Variants in PDSS2 observed in about 807,000 individuals in gnomAD.
PDSS2 encodes the protein all trans-polyprenyl-diphosphate synthase PDSS2.
A neutral mutation model predicts 44.5 loss-of-function variants in PDSS2; 31 were observed. That is an observed-to-expected ratio of 0.70 (90% CI 0.52 to 0.94). PDSS2 has a LOEUF of 0.94. Ranked by LOEUF, PDSS2 falls within the 40% of genes least tolerant of loss-of-function variation. The pLI, the probability that PDSS2 is intolerant of heterozygous loss-of-function variation, is 0.00. For missense variants in PDSS2, 452 were observed against 482.2 expected (o/e 0.94, Z 0.59); for synonymous variants, 157 against 180.3 (o/e 0.87, Z 1.03).
chr6:107,173,664 T>C (rs1771689043), intron 7 of PDSS2, among the ~76,000 whole-genome samples: 1 of 151,634 alleles, frequency 6.6e-6, no homozygotes, highest in African/African-American at 2.4e-5. Flanking sequence ...TTCTTCTTCT[T>C]ATCACGTTTC....
At chr6:107,240,456 T>C (rs1171967677) in intron 4 of PDSS2, among the ~76,000 whole-genome samples, 1 of 149,378 alleles carries the variant, frequency 6.7e-6, no homozygotes, top group Admixed American at 6.8e-5. Flanking sequence ...TGGAGTGCAG[T>C]GGCTCAATCT....
chr6:107,274,185 A>G lies in PDSS2; in HGVS notation c.474T>C (p.Ala158=). 6.2e-7 allele frequency: 1 copy of G among 1,614,078 alleles called. No individual in the cohort carries two copies. Among genetic ancestry groups the G allele is most frequent in the Non-Finnish European group, 8.5e-7 (1 of 1,179,906 alleles). ...LAEITELIHI[A]LLVHRGIVNL... is the part of the protein sequence containing the mutation. The stretch of plus-strand genomic sequence containing the variant: ...TTACTATCCCACGATGTACAAGGAG[A>G]GCAATATGAATTAGCTCCGTGATCT... Residue 158 remains alanine, a synonymous_variant, in exon 3 of 8, where the codon GCT becomes GCC. Transcript: ENST00000369037.
At position 107,414,672 on chromosome 6, in the gene PDSS2, C is replaced by T. The variant is rs531859254; in HGVS notation, c.296+44318G>A. The stretch of plus-strand genomic sequence containing the variant: ...GAATTCAAAATCCTAATTGTGGTTT[C>T]TCTTTTGAGATAGTCCCAACAGAAG... On this transcript the variant is annotated intron_variant, in intron 1 of 7. Transcript: ENST00000369037. Among the ~76,000 whole-genome samples, 8 of 152,326 alleles carry T rather than the reference C, an allele frequency of 5.3e-5. No individual in the cohort carries two copies. In the South Asian group the frequency reaches 1.7e-3, roughly 32 times the overall value.
intron 3 of PDSS2, among the ~76,000 whole-genome samples, chr6:107,268,901 T>A (rs1186809702): frequency 1.3e-5 from 2 of 152,104 alleles, no homozygotes; most frequent in Non-Finnish European, 2.9e-5. Context: ...AGAGGCACTC[T>A]CTTTTTGCTT....
chr6:107,209,801 C>T (rs1180493588), intron 6 of PDSS2, among the ~76,000 whole-genome samples: 5 of 151,962 alleles, frequency 3.3e-5, no homozygotes, highest in African/African-American at 1.2e-4. Context: ...TTAACCCAAC[C>T]AATTACAGCC....
At chr6:107,176,965 AGAGT>A (rs1771811797) in intron 7 of PDSS2, among the ~76,000 whole-genome samples, 1 of 152,118 alleles carries the variant, frequency 6.6e-6, no homozygotes, top group Non-Finnish European at 1.5e-5. Flanking sequence ...TTTGGATGAC[AGAGT>A]GAGACCCTGT....
chr6:107,361,664 T>A (rs2114288008), intron 1 of PDSS2, among the ~76,000 whole-genome samples: 1 of 152,298 alleles, frequency 6.6e-6, no homozygotes, highest in South Asian at 2.1e-4. Context: ...ACTATCCAAA[T>A]CACTGGTGCT....
At chr6:107,187,255 A>G (rs1772200900) in intron 7 of PDSS2, among the ~76,000 whole-genome samples, 1 of 152,228 alleles carries the variant, frequency 6.6e-6, no homozygotes, top group Admixed American at 6.5e-5. Context: ...ATATCAGAAT[A>G]GCACTACATA....
chr6:107,400,590 G>C (rs1780077275), intron 1 of PDSS2, among the ~76,000 whole-genome samples: 1 of 152,194 alleles, frequency 6.6e-6, no homozygotes, highest in African/African-American at 2.4e-5. Context: ...TGGTCTGCAA[G>C]AGAAAGTCTT....
chr6:107,211,583 A>T (rs1773211842), intron 5 of PDSS2, among the ~76,000 whole-genome samples: 1 of 151,426 alleles, frequency 6.6e-6, no homozygotes, highest in Admixed American at 6.6e-5. Flanking sequence ...TACAAAAATT[A>T]GCCAGGCGTG....
intron 1 of PDSS2, among the ~76,000 whole-genome samples, chr6:107,376,196 G>C (rs1395299533): frequency 6.6e-6 from 1 of 152,144 alleles, no homozygotes; most frequent in Admixed American, 6.5e-5. Flanking sequence ...CAGGTAGTGT[G>C]ATGCCTCCAG....
intron 2 of PDSS2, among the ~76,000 whole-genome samples, chr6:107,307,644 G>T (rs1161359707): frequency 1.3e-5 from 2 of 150,820 alleles, no homozygotes; most frequent in Non-Finnish European, 3.0e-5. Flanking sequence ...CCCATTTCTT[G>T]TGGGTATTAT....
At chr6:107,321,231 A>G (rs1777372251) in intron 2 of PDSS2, among the ~76,000 whole-genome samples, 1 of 152,228 alleles carries the variant, frequency 6.6e-6, no homozygotes. Context: ...AAAGGAACAA[A>G]TCTAGCAGAG....
intron 3 of PDSS2, among the ~76,000 whole-genome samples, chr6:107,262,132 T>C (rs1369886449): frequency 6.7e-6 from 1 of 150,080 alleles, no homozygotes; most frequent in Non-Finnish European, 1.5e-5. Flanking sequence ...ATGGCCTCGA[T>C]CTCCTGACCT....
intron 3 of PDSS2, among the ~76,000 whole-genome samples, chr6:107,270,826 T>G (rs535057241): frequency 6.6e-6 from 1 of 152,280 alleles, no homozygotes; most frequent in South Asian, 2.1e-4. Context: ...CTTAATCCCA[T>G]GAATGAATGG....
chr6:107,188,336 G>T (rs906695950), intron 7 of PDSS2, among the ~76,000 whole-genome samples: 1 of 151,616 alleles, frequency 6.6e-6, no homozygotes, highest in African/African-American at 2.4e-5. Flanking sequence ...CTAAGGTTGT[G>T]CCACTGCACT....
intron 4 of PDSS2, among the ~76,000 whole-genome samples, chr6:107,236,097 A>C (rs1044507953): frequency 1.3e-5 from 2 of 152,184 alleles, no homozygotes; most frequent in Non-Finnish European, 2.9e-5. Flanking sequence ...ATCCCAAGCA[A>C]AAGAAACATG....
intron 1 of PDSS2, among the ~76,000 whole-genome samples, chr6:107,342,338 C>A (rs1201834899): frequency 2.0e-5 from 3 of 152,164 alleles, no homozygotes. Context: ...CACATCCAAC[C>A]ATTCAGCTCT....
chr6:107,358,770 C>T (rs961694559), intron 1 of PDSS2, among the ~76,000 whole-genome samples: 5 of 152,114 alleles, frequency 3.3e-5, no homozygotes, highest in Non-Finnish European at 7.3e-5. Flanking sequence ...CTGCGCATTA[C>T]AGGCATTATA....
Sources: allele counts gnomAD v4.1 joint callset (sites outside exome capture counted in the v4.1 genomes callset), GRCh38; gene constraint gnomAD v4.1.1; transcripts MANE v1.5; gene names NCBI Gene and HGNC (gene_info 2026-07-23, HGNC 2026-07-21).